The following CLSTN3 variants were observed in gnomAD, a reference collection of about 807,000 sequenced individuals.
CLSTN3 encodes calsyntenin 3.
Under a neutral mutation model 95.9 loss-of-function variants are expected in CLSTN3, and 36 were observed. That is an observed-to-expected ratio of 0.38 (90% CI 0.29 to 0.50). CLSTN3 has a LOEUF of 0.50. Among genes scored for constraint, CLSTN3 ranks in the 20% least tolerant of loss-of-function variants. CLSTN3 has a pLI of 0.95. For missense variants in CLSTN3, 1,084 were observed against 1,268.8 expected, an observed-to-expected ratio of 0.85 and a Z score of 2.21; for synonymous variants, 481 against 504.0, an observed-to-expected ratio of 0.95 and a Z score of 0.61.
chr12:7,139,591 A>G (rs1013701597), intron 8 of CLSTN3, among the ~76,000 whole-genome samples: 5 of 152,138 alleles, frequency 3.3e-5, no homozygotes, highest in Non-Finnish European at 7.4e-5. Context: ...TGTTTTTTGA[A>G]GGATTTTAAA....
Position 7,157,559 on chromosome 12 carries a change from C to T in CLSTN3, c.2598C>T (p.Gly866=), listed in dbSNP as rs1939840418. Residue 866 remains glycine (G), a synonymous_variant, in exon 17 of 18, where the codon GGC becomes GGT. Coordinates refer to ENST00000266546, the MANE Select transcript of CLSTN3 (RefSeq NM_014718.4). The surrounding 1 kb of genome is among the most constrained non-coding windows in gnomAD (Gnocchi z 5.9). Reference sequence around the variant, plus strand: ...TCCTGGTGCTCATGGTCGTCCTGGGCCTGGTGCGCATCCATTCCCTTCACC... The same window carrying T: ...TCCTGGTGCTCATGGTCGTCCTGGGTCTGGTGCGCATCCATTCCCTTCACC... ...VGFLVLMVVL[G]LVRIHSLHRR... is the part of the protein sequence containing the mutation. 1 of 1,612,696 alleles carries T rather than the reference C, an allele frequency of 6.2e-7. No homozygotes were observed.
chr12:7,132,953 A>G (rs753990723), intron 1 of CLSTN3, 71 bp from the exon 2 acceptor site: 3 of 1,606,928 alleles, frequency 1.9e-6, no homozygotes, highest in East Asian at 2.2e-5. Context: ...TGTCTGGGTC[A>G]ACAAGGGTTG....
chr12:7,153,435 G>A (rs1025725757), intron 16 of CLSTN3, among the ~76,000 whole-genome samples: 1 of 152,098 alleles, frequency 6.6e-6, no homozygotes, highest in Non-Finnish European at 1.5e-5. Flanking sequence ...GTGAGCCGCC[G>A]CACTTGGACT....
upstream of CLSTN3, chr12:7,129,552 C>A: frequency 1.1e-6 from 1 of 924,610 alleles, no homozygotes; most frequent in Non-Finnish European, 1.3e-6. This position sits in a 1 kb window ranked among gnomAD's most constrained non-coding sequence, Gnocchi z 5.5. Flanking sequence ...GGCTTGGGAC[C>A]CAGGGGGTTT....
chr12:7,157,800 A>G lies in CLSTN3; in HGVS notation c.2730+109A>G. Reference sequence around the variant, plus strand: ...GGGTGGAGGCTGTTCGCAGAGCTGCAGTGAGCCGGAGGGAGAGAGGTTCAG... The same window carrying G: ...GGGTGGAGGCTGTTCGCAGAGCTGCGGTGAGCCGGAGGGAGAGAGGTTCAG... On this transcript the variant is annotated intron_variant, in intron 17 of 17. Transcript: ENST00000266546. The surrounding 1 kb of genome is among the most constrained non-coding windows in gnomAD (Gnocchi z 5.9). 6.7e-7 allele frequency: 1 copy of G among 1,487,674 alleles called. No homozygotes were observed. Among genetic ancestry groups the G allele is most frequent in the South Asian group, 1.3e-5 (1 of 79,238 alleles). The allele number at this position is 1,487,674 out of a possible 1,614,324, so 92.2% of individuals were successfully genotyped here.
Position 7,133,765 on chromosome 12 carries a change from A to G in CLSTN3, c.380A>G (p.His127Arg), listed in dbSNP as rs1419592290. The G allele has an allele frequency of 1.2e-5, 18 of 1,563,288 alleles. No homozygotes were observed. In the South Asian group the frequency reaches 2.2e-4, roughly 19 times the overall value. ...GPDGANTKKS[H>R]KATVHVRVND... ...GACGGGGCCAACACCAAGAAGTCCC[A>G]CAAGTGAGGAAGTCCTTGTCTCCTG... is the stretch of plus-strand genomic sequence containing the variant. The change falls in exon 3 of 18, where the codon CAC becomes CGC. Residue 127 changes from histidine (H) to arginine (R), a missense_variant. His to Arg is a conservative substitution (Grantham distance 29). Transcript: ENST00000266546. This position sits in a 1 kb window ranked among gnomAD's most constrained non-coding sequence, Gnocchi z 4.7.
In CLSTN3 at chr12:7,141,311, G is replaced by A. The variant is rs1376113307; in HGVS notation, c.1393G>A (p.Gly465Ser). The A allele has an allele frequency of 2.5e-6, 4 of 1,614,124 alleles. No homozygotes were observed. Among genetic ancestry groups the A allele is most frequent in the South Asian group, 1.1e-5 (1 of 91,074 alleles). ...CCCCACAGTCACACTCTATACCGAC[G>A]GCATCTCCTTCGACCCTGCCCTCAT... ...EFPTVTLYTDGISFDPALIHD... is the reference protein window; with the variant it reads ...EFPTVTLYTDSISFDPALIHD... Residue 465 changes from glycine to serine, a missense_variant, in exon 9 of 18, where the codon GGC (glycine) becomes AGC (serine). Physicochemically the swap from Gly to Ser is moderately conservative, Grantham distance 56. Transcript: ENST00000266546. The surrounding 1 kb of genome is among the most constrained non-coding windows in gnomAD (Gnocchi z 4.1).
At chr12:7,148,198 AAGAAAGAAAG>A (rs1411238301) in intron 12 of CLSTN3, among the ~76,000 whole-genome samples, 2 of 133,474 alleles carry the variant, frequency 1.5e-5, no homozygotes, top group Admixed American at 7.1e-5. Context: ...GAAAGAAAGA[AAGAAAGAAAG>A]AAAGAAATGT....
chr12:7,136,678 C>A (rs1939429451), intron 6 of CLSTN3, 151 bp from the exon 7 acceptor site: 2 of 846,946 alleles, frequency 2.4e-6, no homozygotes, highest in Non-Finnish European at 1.9e-6. Flanking sequence ...GAAGTGAGTT[C>A]ATCCCTCTCT....
At chr12:7,146,536 A>G (rs1939624399) in intron 12 of CLSTN3, among the ~76,000 whole-genome samples, 1 of 152,168 alleles carries the variant, frequency 6.6e-6, no homozygotes, top group Non-Finnish European at 1.5e-5. Context: ...ACTCTGGGTC[A>G]GTACTACCCT....
At chr12:7,142,733 TTTGGTTTCCACATTTCTCC>T in intron 10 of CLSTN3, 117 bp from the exon 11 acceptor site, 2 of 593,558 alleles carry the variant, frequency 3.4e-6, no homozygotes, top group Non-Finnish European at 5.5e-6. Flanking sequence ...TTTTTTTTTT[TTTGGTTTCCACATTTCTCC>T]TTTTTTTCTT....
rs1272522028 is a variant in CLSTN3 at position 7,150,529 on chromosome 12, C to T, written c.2246-15C>T. ...CTCCACTGGCCCCTGCCCTGAGGTG[C>T]TTCCTCATCTCCAGGGGTGGAGAGC... On this transcript the variant is annotated splice_polypyrimidine_tract_variant and intron_variant, in intron 14 of 17. Transcript: ENST00000266546. The surrounding 1 kb of genome is among the most constrained non-coding windows in gnomAD (Gnocchi z 4.0). 6.2e-7 allele frequency: 1 copy of T among 1,603,986 alleles called. No homozygotes were observed. The highest frequency in any genetic ancestry group is 1.1e-5 in the South Asian group (1 of 90,726).
At position 7,142,900 on chromosome 12, in the gene CLSTN3, T is replaced by C. The variant is rs974762265; in HGVS notation, c.1572T>C (p.His524=). Residue 524 remains histidine, a synonymous_variant, in exon 11 of 18, where the codon CAT becomes CAC. Coordinates refer to ENST00000266546, the MANE Select transcript of CLSTN3 (RefSeq NM_014718.4). ...CTTTGTCGATCCACCACTACTTCCA[T>C]GGCTACCTGGCTGGTTTCAGCGTGC... ...GDPLSIHHYF[H]GYLAGFSVRS... is the part of the protein sequence containing the mutation. 2 of 1,614,154 alleles carry C rather than the reference T, an allele frequency of 1.2e-6. No homozygotes were observed. Among genetic ancestry groups the C allele is most frequent in the Non-Finnish European group, 1.7e-6 (2 of 1,180,000 alleles).
intron 6 of CLSTN3, 34 bp from the exon 7 acceptor site, chr12:7,136,795 G>C: frequency 1.2e-6 from 2 of 1,607,268 alleles, no homozygotes; most frequent in Non-Finnish European, 1.7e-6. Context: ...CTGCTTCTTG[G>C]CTCTGACACT....
Position 7,135,396 on chromosome 12 carries a change from T to G in CLSTN3, c.453T>G (p.Arg151=). The G allele has an allele frequency of 6.2e-7, 1 of 1,614,130 alleles. No individual in the cohort carries two copies. ...CAGTGTTTGTGGAACGGCTGTATCG[T>G]GCGGCTGTGACAGAGGGGAAGCTGT... The part of the protein sequence containing the change: ...FAPVFVERLY[R]AAVTEGKLYD... The change falls in exon 4 of 18, where the codon CGT becomes CGG. Residue 151 remains arginine, a synonymous_variant. Coordinates refer to ENST00000266546, the MANE Select transcript of CLSTN3 (RefSeq NM_014718.4).
chr12:7,130,473 G>C lies in CLSTN3; in HGVS notation c.-176G>C. 1 of 1,493,846 alleles carries C rather than the reference G, an allele frequency of 6.7e-7. No individual in the cohort carries two copies. The highest frequency in any genetic ancestry group is 8.9e-7 in the Non-Finnish European group (1 of 1,122,738). The allele number at this position is 1,493,846 out of a possible 1,614,324, so 92.5% of individuals were successfully genotyped here. Reference sequence around the variant, plus strand: ...TCCACCGCCTCAGCTACCCAGATTGGGATCTGCCCAGGCCCGCTTTATGGA... The same window carrying C: ...TCCACCGCCTCAGCTACCCAGATTGCGATCTGCCCAGGCCCGCTTTATGGA... On this transcript the variant is annotated 5_prime_UTR_variant, in exon 1 of 18. Coordinates refer to ENST00000266546, the MANE Select transcript of CLSTN3 (RefSeq NM_014718.4).
rs778373046 is a variant in CLSTN3, at chr12:7,157,602, G to A, written c.2641G>A (p.Gly881Ser). Residue 881 changes from glycine to serine, a missense_variant, in exon 17 of 18, where the codon GGC becomes AGC. Physicochemically the swap from Gly to Ser is moderately conservative, Grantham distance 56. Transcript: ENST00000266546. This position sits in a 1 kb window ranked among gnomAD's most constrained non-coding sequence, Gnocchi z 5.9. ...HSLHRRVSGA[G>S]GPPGASSDPK... Reference sequence around the variant, plus strand: ...CCTTCACCGCCGCGTCTCAGGGGCCGGCGGGCCTCCAGGGGCCTCCAGTGA... The same window carrying A: ...CCTTCACCGCCGCGTCTCAGGGGCCAGCGGGCCTCCAGGGGCCTCCAGTGA... The A allele has an allele frequency of 8.7e-6, 14 of 1,612,438 alleles. No individual in the cohort carries two copies. Among genetic ancestry groups the A allele is most frequent in the Admixed American group, 3.3e-5 (2 of 59,814 alleles).
At chr12:7,134,155 T>C (rs1443289813) in intron 3 of CLSTN3, among the ~76,000 whole-genome samples, 2 of 152,150 alleles carry the variant, frequency 1.3e-5, no homozygotes, top group Admixed American at 1.3e-4. Flanking sequence ...AAGGGCACAG[T>C]ACATGGGCAT....
chr12:7,130,734 G>A (rs1422240005), intron 1 of CLSTN3, 22 bp downstream of exon 1: 2 of 1,526,050 alleles, frequency 1.3e-6, no homozygotes, highest in African/African-American at 1.4e-5. Flanking sequence ...GGGGGTGGGG[G>A]TACCGAAAGA....
Sources: gnomAD v4.1 joint callset for allele counts (sites outside exome capture counted in the v4.1 genomes callset) on GRCh38, gnomAD v4.1.1 for gene constraint, Gnocchi (gnomAD v3.1) non-coding constraint, MANE v1.5 for transcripts, NCBI Gene and HGNC (gene_info 2026-07-23, HGNC 2026-07-21) for gene names.